GFRAL: variants seen among roughly 807,000 people sequenced by gnomAD.
GFRAL encodes the protein GDNF family receptor alpha-like.
GFRAL carries 36 observed loss-of-function variants against 45.4 expected under a neutral mutation model. The observed-to-expected ratio is 0.79, with a 90% CI of 0.61 to 1.05. GFRAL has a LOEUF of 1.05. Ranked by LOEUF, GFRAL falls within the 50% of genes least tolerant of loss-of-function variation. GFRAL has a pLI of 0.00. For missense variants in GFRAL, 507 were observed against 467.5 expected (o/e 1.08, Z -0.78); for synonymous variants, 166 against 154.1 (o/e 1.08, Z -0.57).
intron 6 of GFRAL, among the ~76,000 whole-genome samples, chr6:55,363,797 A>G (rs1581913401): frequency 6.6e-6 from 1 of 151,630 alleles, no homozygotes; most frequent in Non-Finnish European, 1.5e-5. Flanking sequence ...ATAGTATTCC[A>G]TGGTGCATAT....
At chr6:55,362,007 A>G (rs1181162658) in intron 6 of GFRAL, among the ~76,000 whole-genome samples, 3 of 151,998 alleles carry the variant, frequency 2.0e-5, no homozygotes, top group African/African-American at 7.2e-5. Flanking sequence ...TCTCATTTTT[A>G]TGCAACATAC....
At chr6:55,356,963 G>A (rs1768202888) in intron 5 of GFRAL, among the ~76,000 whole-genome samples, 1 of 151,734 alleles carries the variant, frequency 6.6e-6, no homozygotes, top group Admixed American at 6.6e-5. Context: ...TGGACAATCA[G>A]GAGCATATTG....
At chr6:55,368,898 T>A (rs1768406339) in intron 6 of GFRAL, among the ~76,000 whole-genome samples, 1 of 152,128 alleles carries the variant, frequency 6.6e-6, no homozygotes, top group Non-Finnish European at 1.5e-5. Context: ...TCTTTTTGTT[T>A]GTCTGTGCCC....
At chr6:55,370,794 T>C (rs1768440150) in intron 6 of GFRAL, among the ~76,000 whole-genome samples, 1 of 152,254 alleles carries the variant, frequency 6.6e-6, no homozygotes, top group East Asian at 1.9e-4. Flanking sequence ...TGGGGTTTAA[T>C]GCTCTGCAGT....
intron 6 of GFRAL, among the ~76,000 whole-genome samples, chr6:55,367,251 C>T (rs1209776680): frequency 1.5e-5 from 2 of 130,548 alleles, no homozygotes. Flanking sequence ...TTATCAGAGA[C>T]TAGGATTGCA....
At chr6:55,399,968 A>C (rs1292109105) in intron 8 of GFRAL, among the ~76,000 whole-genome samples, 1 of 152,152 alleles carries the variant, frequency 6.6e-6, no homozygotes, top group East Asian at 1.9e-4. Flanking sequence ...ATTGCCTGAC[A>C]TTAATTTATT....
At chr6:55,331,582 G>A (rs1581896798) in intron 1 of GFRAL, 133 bp from the exon 2 acceptor site, 3 of 672,328 alleles carry the variant, frequency 4.5e-6, no homozygotes, top group East Asian at 3.0e-5. Flanking sequence ...GGAGGTTAAG[G>A]TTATTCCCAC....
intron 6 of GFRAL, among the ~76,000 whole-genome samples, chr6:55,392,982 A>G (rs912621390): frequency 2.0e-5 from 3 of 152,206 alleles, no homozygotes; most frequent in African/African-American, 7.2e-5. Flanking sequence ...AAATTGTCGT[A>G]CATAGCGTTT....
Position 55,333,852 on chromosome 6 carries a change from A to G in GFRAL, c.224A>G (p.Glu75Gly). ...YCNLSIQYLV[E>G]SNFQFKECLC... ...AACCTGAGTATCCAGTACTTAGTGG[A>G]AAGCAATTTCCAATTTAAAGAGTGT... Residue 75 changes from glutamate to glycine, a missense_variant, in exon 3 of 9, where the codon GAA becomes GGA. Glu to Gly is a moderately conservative substitution (Grantham distance 98). Transcript: ENST00000340465. 1 of 1,611,218 alleles carries G rather than the reference A, an allele frequency of 6.2e-7. No homozygotes were observed. The highest frequency in any genetic ancestry group is 8.5e-7 in the Non-Finnish European group (1 of 1,178,226).
At chr6:55,385,573 A>AT (rs1320898713) in intron 6 of GFRAL, among the ~76,000 whole-genome samples, 2 of 152,138 alleles carry the variant, frequency 1.3e-5, no homozygotes, top group Non-Finnish European at 2.9e-5. Flanking sequence ...AAAAAAGACA[A>AT]TAGAGCCAGA....
chr6:55,362,507 T>C (rs1387623513), intron 6 of GFRAL, among the ~76,000 whole-genome samples: 1 of 151,940 alleles, frequency 6.6e-6, no homozygotes, highest in East Asian at 1.9e-4. Context: ...TACTAACCTA[T>C]GGATTCACAA....
Position 55,331,798 on chromosome 6 carries a change from A to G in GFRAL, c.106A>G (p.Asn36Asp), listed in dbSNP as rs776345815. The change falls in exon 2 of 9, where the codon AAT becomes GAT. Residue 36 changes from asparagine to aspartate, a missense_variant. Coordinates refer to ENST00000340465, the MANE Select transcript of GFRAL (RefSeq NM_207410.2). The stretch of plus-strand genomic sequence containing the variant: ...AAGAGAGCAATGCTTACGTGATGCA[A>G]ATGGATGTAAACATGCTTGGAGAGT... Reference protein sequence around the residue: ...YLREQCLRDANGCKHAWRVME... With the variant: ...YLREQCLRDADGCKHAWRVME... 1.9e-6 allele frequency: 3 copies of G among 1,611,996 alleles called. No individual in the cohort carries two copies. In the South Asian group the frequency reaches 3.3e-5, roughly 18 times the overall value.
At position 55,348,243 on chromosome 6, in the gene GFRAL, T is replaced by A. The variant is rs562001503; in HGVS notation, c.317-1849T>A. Among the ~76,000 whole-genome samples the A allele has an allele frequency of 3.8e-4, 58 of 151,626 alleles. 1 individual carries two copies. The highest frequency in any genetic ancestry group is 1.4e-3 in the African/African-American group (57 of 41,364). The stretch of plus-strand genomic sequence containing the variant: ...TATCCTCTGGGAAAAAATGAGTGTG[T>A]GTGTGTGTGTGTGTGTATGTGTAAA... On this transcript the variant is annotated intron_variant, in intron 3 of 8. Coordinates refer to ENST00000340465, the MANE Select transcript of GFRAL (RefSeq NM_207410.2).
At position 55,358,968 on chromosome 6, in the gene GFRAL, C is replaced by A. The variant is rs1403943289; in HGVS notation, c.782C>A (p.Thr261Asn). ...CATGAAGATGAGAATTGCATTAGCA[C>A]CTTAAGCAAACAGGACCTCACTTGT... ...KCHEDENCIS[T>N]LSKQDLTCSG... The change falls in exon 6 of 9, where the codon ACC becomes AAC. Residue 261 changes from threonine to asparagine, a missense_variant. By Grantham distance (65) the Thr-to-Asn change is moderately conservative (BLOSUM62 0). Coordinates refer to ENST00000340465, the MANE Select transcript of GFRAL (RefSeq NM_207410.2). 2 of 1,612,944 alleles carry A rather than the reference C, an allele frequency of 1.2e-6. No homozygotes were observed. The highest frequency in any genetic ancestry group is 1.7e-6 in the Non-Finnish European group (2 of 1,179,354).
intron 6 of GFRAL, among the ~76,000 whole-genome samples, chr6:55,382,146 G>A (rs919494231): frequency 2.6e-5 from 4 of 151,822 alleles, no homozygotes; most frequent in African/African-American, 9.7e-5. Flanking sequence ...CCTCTAAACA[G>A]TCCAGTATTT....
At chr6:55,381,302 A>G (rs1384534718) in intron 6 of GFRAL, among the ~76,000 whole-genome samples, 1 of 151,948 alleles carries the variant, frequency 6.6e-6, no homozygotes, top group Non-Finnish European at 1.5e-5. Flanking sequence ...TTTAGAAAAG[A>G]GCCTTTCCGT....
At chr6:55,331,513 C>T (rs1157103273) in intron 1 of GFRAL, among the ~76,000 whole-genome samples, 1 of 151,924 alleles carries the variant, frequency 6.6e-6, no homozygotes, top group South Asian at 2.1e-4. Context: ...TCAAAATGAG[C>T]AAATTTAAAA....
chr6:55,363,087 A>C (rs982822589), intron 6 of GFRAL, among the ~76,000 whole-genome samples: 2 of 151,420 alleles, frequency 1.3e-5, no homozygotes, highest in Non-Finnish European at 1.5e-5. Flanking sequence ...AAAGCAGAAA[A>C]CCTCTGTTTA....
At chr6:55,375,501 T>C (rs1768511867) in intron 6 of GFRAL, among the ~76,000 whole-genome samples, 1 of 152,140 alleles carries the variant, frequency 6.6e-6, no homozygotes, top group Admixed American at 6.6e-5. Context: ...TGAAGTTGCT[T>C]ATTAGCTTAA....
Sources: allele counts gnomAD v4.1 joint callset (sites outside exome capture counted in the v4.1 genomes callset), GRCh38; gene constraint gnomAD v4.1.1; transcripts MANE v1.5; gene names NCBI Gene and HGNC (gene_info 2026-07-23, HGNC 2026-07-21).